Variants in MMP1 observed in about 807,000 individuals in gnomAD.
MMP1 encodes the protein interstitial collagenase.
In MMP1, 51 loss-of-function variants were observed where a neutral mutation model predicts 49.6. The ratio of observed to expected loss-of-function variants is 1.03; its 90% CI spans 0.82 to 1.30. The LOEUF (loss-of-function observed/expected upper bound fraction) is 1.30, where lower values mean the gene tolerates loss of function less well. Ranked by LOEUF, MMP1 falls within the 50% of genes most tolerant of loss-of-function variation. The probability of loss-of-function intolerance (pLI) is 0.00; values close to 1 mark genes in which losing one functional copy is unlikely to be tolerated. For synonymous variants in MMP1, 230 were observed against 196.8 expected (o/e 1.17, Z -1.41); for missense variants, 623 against 568.7 (o/e 1.10, Z -0.97).
chr11:102,797,952 A>C, intron 1 of MMP1, 36 bp downstream of exon 1: 1 of 1,470,448 alleles, frequency 6.8e-7, no homozygotes. Flanking sequence ...ACAAACTAAA[A>C]ATTTACATTA....
chr11:102,797,215 A>C (rs368255929), intron 2 of MMP1, 41 bp downstream of exon 2: 1 of 1,613,610 alleles, frequency 6.2e-7, no homozygotes, highest in African/African-American at 1.3e-5. Flanking sequence ...TACCACTGTC[A>C]TGGGAAATAG....
intron 3 of MMP1, 29 bp from the exon 4 acceptor site, chr11:102,796,818 T>C (rs199962539): frequency 3.1e-6 from 5 of 1,608,242 alleles, no homozygotes; most frequent in African/African-American, 1.3e-5. Flanking sequence ...CAAAGATTCC[T>C]TGTGGTTCTT....
At chr11:102,796,595 A>G in intron 4 of MMP1, 69 bp downstream of exon 4, 2 of 1,537,994 alleles carry the variant, frequency 1.3e-6, no homozygotes, top group Non-Finnish European at 1.8e-6. Flanking sequence ...CTTTCAACTA[A>G]ATCAACCAAT....
At chr11:102,797,782 G>C (rs1289937063) in intron 1 of MMP1, among the ~76,000 whole-genome samples, 1 of 151,888 alleles carries the variant, frequency 6.6e-6, no homozygotes, top group Non-Finnish European at 1.5e-5. Flanking sequence ...AAGTTTGGAT[G>C]TTGTTCCTTT....
At position 102,791,396 on chromosome 11, in the gene MMP1, T is replaced by C; in HGVS notation, c.1133A>G (p.Asp378Gly). Residue 378 changes from aspartate to glycine, a missense_variant, in exon 8 of 10, where the codon GAT becomes GGT. Coordinates refer to ENST00000315274, the MANE Select transcript of MMP1 (RefSeq NM_002421.4). The part of the protein sequence containing the change: ...FGFPRTVKHI[D>G]AALSEENTGK... ...AGTGTTTTCCTCAGAAAGAGCAGCATCGATATGCTTCACAGTTCTAGGGAA... is the reference window on the plus strand; with the variant it reads ...AGTGTTTTCCTCAGAAAGAGCAGCACCGATATGCTTCACAGTTCTAGGGAA... 3.7e-6 allele frequency: 6 copies of C among 1,614,066 alleles called. No individual in the cohort carries two copies. Among genetic ancestry groups the C allele is most frequent in the Non-Finnish European group, 5.1e-6 (6 of 1,179,904 alleles).
At chr11:102,791,645 C>T in intron 7 of MMP1, 150 bp from the exon 8 acceptor site, 1 of 768,170 alleles carries the variant, frequency 1.3e-6, no homozygotes. Context: ...AATACTGATG[C>T]CAGGACCCTA....
At position 102,797,103 on chromosome 11, in the gene MMP1, G is replaced by A; in HGVS notation, c.410C>T (p.Ala137Val). Residue 137 changes from alanine to valine, a missense_variant, in exon 3 of 10, where the codon GCC (alanine) becomes GTC (valine). Transcript: ENST00000315274. ...RADVDHAIEK[A>V]FQLWSNVTPL... ...TGTGACATTACTCCAGAGTTGGAAG[G>A]CTTTCTCAATGGCATGGTCCACATC... 2 of 1,614,136 alleles carry A rather than the reference G, an allele frequency of 1.2e-6. No homozygotes were observed. Among genetic ancestry groups the A allele is most frequent in the Non-Finnish European group, 8.5e-7 (1 of 1,180,020 alleles).
chr11:102,798,050 C>T lies in MMP1; in HGVS notation c.43G>A (p.Val15Met). ...GTCGCTGGGAAGCTGTGAGACACCA[C>T]ACCCCAGAACAGCAGCAGCAGCAGT... ...PPLLLLLFWG[V>M]VSHSFPATLE... Residue 15 changes from valine (V) to methionine (M), a missense_variant, in exon 1 of 10, where the codon GTG becomes ATG. Physicochemically the swap from Val to Met is conservative, Grantham distance 21 (BLOSUM62 1). Coordinates refer to ENST00000315274, the MANE Select transcript of MMP1 (RefSeq NM_002421.4). 1 of 1,613,320 alleles carries T rather than the reference C, an allele frequency of 6.2e-7. No individual in the cohort carries two copies. The highest frequency in any genetic ancestry group is 8.5e-7 in the Non-Finnish European group (1 of 1,179,972).
At chr11:102,793,144 G>A (rs888474830) in intron 6 of MMP1, 1 of 152,270 alleles carries the variant, frequency 6.6e-6, no homozygotes, top group African/African-American at 2.4e-5. Context: ...TTTTGAGACA[G>A]AGTCTCACTC....
Position 102,798,095 on chromosome 11 carries a change from T to C in MMP1, c.-3A>G. 6.2e-7 allele frequency: 1 copy of C among 1,605,910 alleles called. No homozygotes were observed. The highest frequency in any genetic ancestry group is 1.1e-5 in the South Asian group (1 of 90,390). ...AGCAGTGGAGGAAAGCTGTGCATAC[T>C]GGCCTTTGTCTTCTTTCTCAGTGCA... On this transcript the variant is annotated 5_prime_UTR_variant, in exon 1 of 10. Transcript: ENST00000315274.
chr11:102,796,897 T>C (rs1350165228), intron 3 of MMP1, 108 bp from the exon 4 acceptor site: 1 of 1,533,594 alleles, frequency 6.5e-7, no homozygotes, highest in Non-Finnish European at 8.8e-7. Flanking sequence ...TCAACTGTGA[T>C]GCAGTTTCCC....
chr11:102,796,025 A>T (rs995008593), intron 4 of MMP1, among the ~76,000 whole-genome samples: 6 of 152,194 alleles, frequency 3.9e-5, no homozygotes, highest in Non-Finnish European at 8.8e-5. Flanking sequence ...ATCTTGGCTC[A>T]CTGCAACCTC....
At chr11:102,791,189 C>A in intron 8 of MMP1, 144 bp downstream of exon 8, 1 of 792,168 alleles carries the variant, frequency 1.3e-6, no homozygotes, top group Admixed American at 2.3e-5. Flanking sequence ...GGTCAATAGA[C>A]TAAATAGATG....
intron 6 of MMP1, among the ~76,000 whole-genome samples, chr11:102,793,843 G>C (rs1027711917): frequency 6.6e-6 from 1 of 152,208 alleles, no homozygotes; most frequent in African/African-American, 2.4e-5. Flanking sequence ...TGACACAGAA[G>C]AGCTCCAGAT....
chr11:102,796,979 C>T (rs1327639991), intron 3 of MMP1, 35 bp downstream of exon 3: 3 of 1,587,576 alleles, frequency 1.9e-6, no homozygotes, highest in Non-Finnish European at 2.6e-6. Flanking sequence ...GATCTAGGGG[C>T]AAGGTGAGGT....
chr11:102,795,632 G>C, intron 4 of MMP1, 25 bp from the exon 5 acceptor site: 1 of 1,581,200 alleles, frequency 6.3e-7, no homozygotes. Flanking sequence ...AAATCAATTT[G>C]TAATTATTTG....
At position 102,795,161 on chromosome 11, in the gene MMP1, A is replaced by G; in HGVS notation, c.899+13T>C. 3 of 1,569,686 alleles carry G rather than the reference A, an allele frequency of 1.9e-6. No individual in the cohort carries two copies. The highest frequency in any genetic ancestry group is 2.6e-6 in the Non-Finnish European group (3 of 1,139,752). On this transcript the variant is annotated intron_variant, in intron 6 of 9. Transcript: ENST00000315274. ...TTACAAATGCAGATCACAAAGAAGA[A>G]CTGACATCTTACCTGTCTTTAAAGA...
chr11:102,791,025 C>T (rs796599835), intron 8 of MMP1, among the ~76,000 whole-genome samples: 4 of 152,312 alleles, frequency 2.6e-5, no homozygotes, highest in South Asian at 2.1e-4. Context: ...GTAGGTTCTA[C>T]GCTATGTCCT....
rs770946491 is a variant in MMP1, at chr11:102,796,795, A to G, written c.500-6T>C. ...AGGAGAGTTGTCCCGATGATCTGAA[A>G]GAAACAATTCAACAAAGATTCCTTG... On this transcript the variant is annotated splice_region_variant and splice_polypyrimidine_tract_variant and intron_variant, in intron 3 of 9. Transcript: ENST00000315274. The G allele has an allele frequency of 6.2e-7, 1 of 1,611,730 alleles. No individual in the cohort carries two copies. The highest frequency in any genetic ancestry group is 8.5e-7 in the Non-Finnish European group (1 of 1,179,354).
Sources: allele counts gnomAD v4.1 joint callset (sites outside exome capture counted in the v4.1 genomes callset), GRCh38; gene constraint gnomAD v4.1.1; transcripts MANE v1.5; gene names NCBI Gene and HGNC (gene_info 2026-07-23, HGNC 2026-07-21).